The following OPALIN variants were observed in gnomAD, a reference collection of about 807,000 sequenced individuals.
The protein encoded by OPALIN is transmembrane protein 10.
In OPALIN, 15 loss-of-function variants were observed where a neutral mutation model predicts 17.8. That is an observed-to-expected ratio of 0.84 (90% confidence interval 0.56 to 1.29). OPALIN has a LOEUF of 1.29. Ranked by LOEUF, OPALIN falls within the 50% of genes most tolerant of loss-of-function variation. OPALIN has a pLI of 0.00. For synonymous variants in OPALIN, 62 were observed against 63.8 expected (o/e 0.97, Z 0.14); for missense variants, 170 against 176.0 (o/e 0.97, Z 0.19).
rs1394806186 is a variant in OPALIN, at chr10:96,343,640, G to A, written c.*2301C>T. 1 of 152,232 alleles carries A rather than the reference G, an allele frequency of 6.6e-6. No homozygotes were observed. The highest frequency in any genetic ancestry group is 1.5e-5 in the Non-Finnish European group (1 of 68,044). The allele number at this position is 152,232 out of a possible 1,614,324, so 9.4% of individuals were successfully genotyped here. ...TTCATGACATGTAGGAGAAGTACAAGCACCAGGATGACTGGGAATGTCTGT... is the reference window on the plus strand; with the variant it reads ...TTCATGACATGTAGGAGAAGTACAAACACCAGGATGACTGGGAATGTCTGT... On this transcript the variant is annotated 3_prime_UTR_variant, in exon 6 of 6. Transcript: ENST00000371172.
intron 1 of OPALIN, among the ~76,000 whole-genome samples, chr10:96,355,509 C>T (rs972163943): frequency 2.6e-5 from 4 of 152,064 alleles, no homozygotes; most frequent in Admixed American, 6.6e-5. Flanking sequence ...GTCTTGCCAC[C>T]GCCCCCAACC....
At chr10:96,348,731 G>C (rs1000996441) in intron 4 of OPALIN, among the ~76,000 whole-genome samples, 20 of 152,070 alleles carry the variant, frequency 1.3e-4, no homozygotes, top group African/African-American at 4.8e-4. Context: ...GATTTAATTG[G>C]CTTTGGTGAT....
rs779948245 is a variant in OPALIN, at chr10:96,358,864, G to T, written c.3+30C>A. 3 of 1,612,178 alleles carry T rather than the reference G, an allele frequency of 1.9e-6. No homozygotes were observed. In the Admixed American group the frequency reaches 5.0e-5, roughly 27 times the overall value. On this transcript the variant is annotated intron_variant, in intron 1 of 5. Coordinates refer to ENST00000371172, the MANE Select transcript of OPALIN (RefSeq NM_033207.5). ...TTTTTATAGTAAGAAATGAAAGTTC[G>T]ATTGAGAAGAGATGCCAGCTTTCAC...
chr10:96,353,340 C>T, intron 2 of OPALIN: 1 of 1,578,982 alleles, frequency 6.3e-7, no homozygotes. Context: ...ATCCAGGTGC[C>T]CACCTCTGTC....
At chr10:96,357,063 T>G (rs1845852832) in intron 1 of OPALIN, 1 of 985,344 alleles carries the variant, frequency 1.0e-6, no homozygotes, top group African/African-American at 1.7e-5. Context: ...CTGGGCCTCT[T>G]AGGTCAGGGT....
chr10:96,353,596 C>G, intron 2 of OPALIN: 1 of 728,408 alleles, frequency 1.4e-6, no homozygotes, highest in Non-Finnish European at 2.6e-6. Context: ...GAGAGTACTC[C>G]AAAGGGTGAT....
chr10:96,347,844 G>A (rs1045627046), intron 5 of OPALIN, among the ~76,000 whole-genome samples: 1 of 152,212 alleles, frequency 6.6e-6, no homozygotes, highest in African/African-American at 2.4e-5. Context: ...TAGAAGTGGT[G>A]TTAGTGAAGA....
intron 4 of OPALIN, 145 bp downstream of exon 4, chr10:96,349,561 TG>T: frequency 1.1e-6 from 1 of 872,666 alleles, no homozygotes; most frequent in Non-Finnish European, 1.7e-6. Context: ...ATGTCTGCAG[TG>T]GAAATTATGG....
chr10:96,347,170 C>T (rs940753373), intron 5 of OPALIN, among the ~76,000 whole-genome samples: 37 of 152,014 alleles, frequency 2.4e-4, no homozygotes, highest in African/African-American at 8.4e-4. Context: ...CAGCTCACTG[C>T]AACCTCTGCC....
intron 1 of OPALIN, chr10:96,357,302 T>C (rs1845860170): frequency 3.6e-6 from 1 of 278,738 alleles, no homozygotes; most frequent in African/African-American, 2.3e-5. Context: ...TTTATCAACA[T>C]TCGGATGACG....
chr10:96,357,245 A>T, intron 1 of OPALIN: 1 of 735,322 alleles, frequency 1.4e-6, no homozygotes, highest in East Asian at 1.3e-4. Context: ...CTTTGGGAGG[A>T]CAGTAGAAGA....
intron 5 of OPALIN, among the ~76,000 whole-genome samples, 191 bp from the exon 6 acceptor site, chr10:96,346,308 TGAG>T (rs1845319893): frequency 6.6e-6 from 1 of 152,124 alleles, no homozygotes; most frequent in African/African-American, 2.4e-5. Context: ...AGAAAACAAA[TGAG>T]GAGAGACCCA....
In OPALIN at chr10:96,355,278, T is replaced by C. The variant is rs751927342; in HGVS notation, c.16A>G (p.Asn6Asp). Residue 6 changes from asparagine (N) to aspartate (D), a missense_variant, in exon 2 of 6, where the codon AAC becomes GAC. Coordinates refer to ENST00000371172, the MANE Select transcript of OPALIN (RefSeq NM_033207.5). Reference protein sequence around the residue: MSFSLNFTLPANTTSS... With the variant: MSFSLDFTLPANTTSS... Reference sequence around the variant, plus strand: ...ACTGTGTTCGCCGGCAGGGTGAAGTTCAGTGAAAAACTCTGCAAGATAGAA... The same window carrying C: ...ACTGTGTTCGCCGGCAGGGTGAAGTCCAGTGAAAAACTCTGCAAGATAGAA... The C allele has an allele frequency of 1.9e-6, 3 of 1,613,944 alleles. No individual in the cohort carries two copies. In the South Asian group the frequency reaches 3.3e-5, roughly 18 times the overall value.
rs1845227840 is a variant in OPALIN at position 96,344,483 on chromosome 10, G to T, written c.*1458C>A. On this transcript the variant is annotated 3_prime_UTR_variant, in exon 6 of 6. Transcript: ENST00000371172. ...AAAAAAAAAAGGCTGGGGATGGATTGGAAAATGGGAAGAGGAGTTACTGGG... is the reference window on the plus strand; with the variant it reads ...AAAAAAAAAAGGCTGGGGATGGATTTGAAAATGGGAAGAGGAGTTACTGGG... 2 of 151,938 alleles carry T rather than the reference G, an allele frequency of 1.3e-5. No homozygotes were observed. The highest frequency in any genetic ancestry group is 4.2e-4 in the South Asian group (2 of 4,816). The allele number at this position is 151,938 out of a possible 1,614,324, so 9.4% of individuals were successfully genotyped here. A position where few individuals can be genotyped will look rare whatever the true frequency, so the allele number is the denominator to read the frequency against.
At chr10:96,347,434 A>G (rs986287921) in intron 5 of OPALIN, among the ~76,000 whole-genome samples, 3 of 151,724 alleles carry the variant, frequency 2.0e-5, no homozygotes, top group African/African-American at 7.3e-5. Flanking sequence ...CCATCTGCAA[A>G]TAATGACAAT....
chr10:96,356,674 T>C (rs1321214782), intron 1 of OPALIN, among the ~76,000 whole-genome samples: 2 of 152,222 alleles, frequency 1.3e-5, no homozygotes, highest in Non-Finnish European at 2.9e-5. Flanking sequence ...AAGAAAATCT[T>C]TTGTGAACCA....
At chr10:96,353,002 T>C (rs940942020) in intron 2 of OPALIN, among the ~76,000 whole-genome samples, 2 of 152,210 alleles carry the variant, frequency 1.3e-5, no homozygotes, top group Admixed American at 6.5e-5. Flanking sequence ...TATTGACTTA[T>C]TTATTCTATA....
chr10:96,354,835 C>G (rs2134029774), intron 2 of OPALIN, among the ~76,000 whole-genome samples: 1 of 150,844 alleles, frequency 6.6e-6, no homozygotes, highest in South Asian at 2.1e-4. Flanking sequence ...GTGGCTCACA[C>G]CTATAATCCC....
chr10:96,349,973 C>A (rs990631996), intron 3 of OPALIN, 147 bp from the exon 4 acceptor site: 1 of 845,944 alleles, frequency 1.2e-6, no homozygotes, highest in Non-Finnish European at 1.7e-6. Context: ...AAATACTGTG[C>A]AAAAATGTTT....
Sources: gnomAD v4.1 joint callset for allele counts (sites outside exome capture counted in the v4.1 genomes callset) on GRCh38, gnomAD v4.1.1 for gene constraint, MANE v1.5 for transcripts, NCBI Gene and HGNC (gene_info 2026-07-23, HGNC 2026-07-21) for gene names.